Variants in SULF1 observed in about 807,000 individuals in gnomAD.
The protein encoded by SULF1 is sulfatase 1, also known as extracellular sulfatase Sulf-1.
In SULF1, 46 loss-of-function variants were observed where a neutral mutation model predicts 110.5. The observed-to-expected ratio is 0.42, with a 90% CI of 0.33 to 0.53. The LOEUF is 0.53. Among genes scored for constraint, SULF1 ranks in the 20% least tolerant of loss-of-function variants. The pLI is 0.12. For synonymous variants in SULF1, 371 were observed against 387.1 expected, an observed-to-expected ratio of 0.96 and a Z score of 0.49; for missense variants, 941 against 1,094.2, an observed-to-expected ratio of 0.86 and a Z score of 1.98.
intron 2 of SULF1, among the ~76,000 whole-genome samples, chr8:69,498,116 CACA>C (rs1404131352): frequency 7.8e-5 from 2 of 25,486 alleles, no homozygotes; most frequent in African/African-American, 2.5e-4. Flanking sequence ...TCTCTCTCCA[CACA>C]CACACACACA....
intron 3 of SULF1, among the ~76,000 whole-genome samples, chr8:69,542,416 T>C (rs1813918693): frequency 6.6e-6 from 1 of 151,836 alleles, no homozygotes; most frequent in African/African-American, 2.4e-5. Flanking sequence ...GTCCCCAGTG[T>C]GGTCATGATG....
At chr8:69,634,142 A>T (rs904194884) in intron 19 of SULF1, among the ~76,000 whole-genome samples, 1 of 152,110 alleles carries the variant, frequency 6.6e-6, no homozygotes, top group African/African-American at 2.4e-5. Context: ...CCTGTATTTG[A>T]TCTAATCTGG....
intron 13 of SULF1, among the ~76,000 whole-genome samples, chr8:69,609,149 G>C (rs992396348): frequency 9.2e-5 from 14 of 152,072 alleles, no homozygotes; most frequent in Admixed American, 2.0e-4. Context: ...AGGAGTTCTA[G>C]ACCAGTCTAG....
At chr8:69,621,582 A>G (rs945763547) in intron 14 of SULF1, among the ~76,000 whole-genome samples, 1 of 152,270 alleles carries the variant, frequency 6.6e-6, no homozygotes, top group African/African-American at 2.4e-5. Context: ...CGTAATGCCA[A>G]CATCTCCTGA....
At chr8:69,594,419 TAC>T (rs1479632617) in intron 8 of SULF1, among the ~76,000 whole-genome samples, 4 of 137,370 alleles carry the variant, frequency 2.9e-5, no homozygotes, top group Admixed American at 2.3e-4. Flanking sequence ...TGTGTGCATG[TAC>T]ACTCACACAC....
In SULF1 at chr8:69,494,900, A is replaced by AAG. The variant is rs1335011351; in HGVS notation, c.-390-857_-390-856dup. On this transcript the variant is annotated intron_variant, in intron 1 of 22. Transcript: ENST00000402687. ...ATCTCAAAGGAAAAAAAAAAAAAAA[A>AAG]AGAGAGAGACTATTGTAGTGTTCCA... 1.1e-4 allele frequency among the ~76,000 whole-genome samples: 16 copies of AAG among 150,994 alleles called. 1 individual carries two copies. Among genetic ancestry groups the AAG allele is most frequent in the Non-Finnish European group, 1.2e-4 (8 of 67,804 alleles).
intron 19 of SULF1, among the ~76,000 whole-genome samples, chr8:69,636,950 G>C (rs1178633461): frequency 1.3e-5 from 2 of 152,138 alleles, no homozygotes; most frequent in African/African-American, 2.4e-5. Context: ...TTTTTGGTGT[G>C]AATTTGGCTT....
intron 7 of SULF1, 149 bp downstream of exon 7, chr8:69,586,657 G>A (rs934254659): frequency 6.3e-6 from 6 of 949,650 alleles, no homozygotes; most frequent in Non-Finnish European, 9.2e-6. Flanking sequence ...TTAAACTCTA[G>A]GCAAGGAAAA....
At chr8:69,638,185 C>G (rs1811197530) in intron 19 of SULF1, 2 of 257,272 alleles carry the variant, frequency 7.8e-6, no homozygotes, top group African/African-American at 4.5e-5. Context: ...TTTTTCTTCT[C>G]ATACTTCCGT....
At chr8:69,520,971 G>A (rs554744055) in intron 3 of SULF1, among the ~76,000 whole-genome samples, 2 of 152,224 alleles carry the variant, frequency 1.3e-5, no homozygotes, top group South Asian at 4.1e-4. Context: ...AGTTACTAGA[G>A]ACTGAGGCAC....
chr8:69,473,117 G>C (rs1312681067), intron 1 of SULF1: 1 of 151,964 alleles, frequency 6.6e-6, no homozygotes, highest in East Asian at 1.9e-4. Flanking sequence ...TGGTATTACA[G>C]GTGTGAGCAA....
chr8:69,642,188 A>T, intron 22 of SULF1: 1 of 956,072 alleles, frequency 1.0e-6, no homozygotes, highest in South Asian at 4.8e-5. Context: ...TATCTTCTTC[A>T]TCTGTATTAA....
chr8:69,564,062 G>A lies in SULF1; in HGVS notation c.87G>A (p.Arg29=), dbSNP rs756982621. The change falls in exon 5 of 23, where the codon AGG becomes AGA. Residue 29 remains arginine (R), a synonymous_variant. Transcript: ENST00000402687. The part of the protein sequence containing the change: ...GSLCSTVRSP[R]FRGRIQQERK... ...TCTGTTCGACTGTCAGATCCCCGAG[G>A]TTCAGAGGACGGATACAGCAGGAAC... The A allele has an allele frequency of 3.7e-6, 6 of 1,614,184 alleles. No homozygotes were observed. The highest frequency in any genetic ancestry group is 3.3e-5 in the South Asian group (3 of 91,080).
Position 69,641,439 on chromosome 8 carries a change from A to G in SULF1, c.2585+598A>G, listed in dbSNP as rs928039361. Reference sequence around the variant, plus strand: ...AGGTGCTGGGAGTTGGGGACAGAGTACCGGGAGTCAAGATACTAGTAAAGG... The same window carrying G: ...AGGTGCTGGGAGTTGGGGACAGAGTGCCGGGAGTCAAGATACTAGTAAAGG... On this transcript the variant is annotated intron_variant, in intron 22 of 22. Coordinates refer to ENST00000402687, the MANE Select transcript of SULF1 (RefSeq NM_001128205.2). 1.4e-4 allele frequency among the ~76,000 whole-genome samples: 22 copies of G among 152,268 alleles called. 1 individual carries two copies. Among genetic ancestry groups the G allele is most frequent in the South Asian group, 8.3e-4 (4 of 4,826 alleles).
At chr8:69,556,038 T>A (rs1252011954) in intron 3 of SULF1, among the ~76,000 whole-genome samples, 1 of 152,202 alleles carries the variant, frequency 6.6e-6, no homozygotes, top group East Asian at 1.9e-4. Context: ...ATGATTGAAC[T>A]TTATACTGTG....
intron 1 of SULF1, among the ~76,000 whole-genome samples, chr8:69,479,283 C>G (rs1228452875): frequency 6.6e-6 from 1 of 152,124 alleles, no homozygotes; most frequent in African/African-American, 2.4e-5. Context: ...TTTTCAAGGA[C>G]CTGTAAAATA....
intron 13 of SULF1, among the ~76,000 whole-genome samples, chr8:69,612,704 C>CT (rs1465085974): frequency 6.6e-6 from 1 of 151,814 alleles, no homozygotes; most frequent in Non-Finnish European, 1.5e-5. Context: ...GAATTATTGG[C>CT]TTTTTTCTTG....
chr8:69,566,995 C>A (rs1180746977), intron 5 of SULF1, among the ~76,000 whole-genome samples: 1 of 152,182 alleles, frequency 6.6e-6, no homozygotes, highest in East Asian at 1.9e-4. Flanking sequence ...AAACCCAGAC[C>A]TGTATTAGAT....
intron 18 of SULF1, among the ~76,000 whole-genome samples, chr8:69,628,767 G>A (rs1810294844): frequency 6.6e-6 from 1 of 152,076 alleles, no homozygotes; most frequent in African/African-American, 2.4e-5. Context: ...ATCTAAACTT[G>A]TTTAGTAGAA....
Sources: gnomAD v4.1 joint callset for allele counts (sites outside exome capture counted in the v4.1 genomes callset) on GRCh38, gnomAD v4.1.1 for gene constraint, MANE v1.5 for transcripts, NCBI Gene and HGNC (gene_info 2026-07-23, HGNC 2026-07-21) for gene names.